Variants in FARP1 observed in about 807,000 individuals in gnomAD.
FARP1 encodes the protein FERM, ARHGEF and pleckstrin domain-containing protein 1.
Under a neutral mutation model 128.8 loss-of-function variants are expected in FARP1, and 52 were observed. The ratio of observed to expected loss-of-function variants is 0.40; its 90% CI spans 0.32 to 0.51. The LOEUF is 0.51. Among genes scored for constraint, FARP1 ranks in the 20% least tolerant of loss-of-function variants. The probability of loss-of-function intolerance (pLI) is 0.45; values close to 1 mark genes in which losing one functional copy is unlikely to be tolerated. For synonymous variants in FARP1, 580 were observed against 551.8 expected (o/e 1.05, Z -0.72); for missense variants, 1,333 against 1,367.9 (o/e 0.97, Z 0.40).
intron 2 of FARP1, among the ~76,000 whole-genome samples, chr13:98,317,727 C>G (rs1054361095): frequency 1.3e-5 from 2 of 152,174 alleles, no homozygotes; most frequent in African/African-American, 4.8e-5. Context: ...ATTGTATTTG[C>G]TCACAGTTCT....
intron 17 of FARP1, among the ~76,000 whole-genome samples, chr13:98,429,159 G>A (rs1252114516): frequency 3.3e-5 from 5 of 152,214 alleles, no homozygotes; most frequent in African/African-American, 1.2e-4. Context: ...GAGGCTGTGT[G>A]ATAAGGGCGG....
At position 98,251,940 on chromosome 13, in the gene FARP1, T is replaced by C. The variant is rs150503955; in HGVS notation, c.171+38527T>C. Among the ~76,000 whole-genome samples, 1,054 of 152,304 alleles carry C rather than the reference T, an allele frequency of 6.9e-3. 11 individuals are homozygous for C. The highest frequency in any genetic ancestry group is 0.029 in the South Asian group (138 of 4,830). On this transcript the variant is annotated intron_variant, in intron 2 of 26. Transcript: ENST00000319562. ...TTGGCTCAATGCAGTCTCCGCCTCC[T>C]GGGTCCAAGCGATTCTCCTGCGTCA... is the stretch of plus-strand genomic sequence containing the variant.
intron 2 of FARP1, among the ~76,000 whole-genome samples, chr13:98,278,653 C>A (rs1884784893): frequency 6.6e-6 from 1 of 152,084 alleles, no homozygotes; most frequent in Non-Finnish European, 1.5e-5. Flanking sequence ...ACCCATAAGA[C>A]CTGCTAGCTG....
intron 2 of FARP1, among the ~76,000 whole-genome samples, chr13:98,294,139 T>C (rs1472294539): frequency 6.6e-6 from 1 of 152,214 alleles, no homozygotes; most frequent in Non-Finnish European, 1.5e-5. Context: ...AACAGCATTT[T>C]GGCCCCACTG....
rs138726058 is a variant in FARP1, at chr13:98,206,097, A to C, written c.-23-7123A>C. Among the ~76,000 whole-genome samples the C allele has an allele frequency of 5.0e-3, 762 of 151,878 alleles. 7 individuals are homozygous for C. Among genetic ancestry groups the C allele is most frequent in the African/African-American group, 0.017 (714 of 41,380 alleles). On this transcript the variant is annotated intron_variant, in intron 1 of 26. Coordinates refer to ENST00000319562, the MANE Select transcript of FARP1 (RefSeq NM_005766.4). The stretch of plus-strand genomic sequence containing the variant: ...GTTTGTTTTTTGGTTAGTAGGTATG[A>C]AGTAGCTCTTTGCAGGAGCCTCAGT...
chr13:98,186,375 TG>T (rs968497769), intron 1 of FARP1, among the ~76,000 whole-genome samples: 1 of 152,132 alleles, frequency 6.6e-6, no homozygotes, highest in African/African-American at 2.4e-5. Context: ...CCCAAAGTGC[TG>T]GGATTACAGA....
At chr13:98,319,657 T>C (rs1318492138) in intron 2 of FARP1, among the ~76,000 whole-genome samples, 1 of 152,204 alleles carries the variant, frequency 6.6e-6, no homozygotes, top group Non-Finnish European at 1.5e-5. Context: ...TTATCTCTCT[T>C]CTTCCCCTTC....
chr13:98,348,607 CTG>C (rs1433015832), intron 3 of FARP1, among the ~76,000 whole-genome samples: 1 of 152,260 alleles, frequency 6.6e-6, no homozygotes, highest in Non-Finnish European at 1.5e-5. Flanking sequence ...ACACTCAACT[CTG>C]TCTTCACAGA....
At chr13:98,151,569 T>C in intron 1 of FARP1, among the ~76,000 whole-genome samples, 1 of 151,840 alleles carries the variant, frequency 6.6e-6, no homozygotes, top group East Asian at 1.9e-4. Flanking sequence ...CTCTATGACA[T>C]TTTAGAGTAA....
At chr13:98,267,105 A>G (rs1884156722) in intron 2 of FARP1, among the ~76,000 whole-genome samples, 2 of 152,266 alleles carry the variant, frequency 1.3e-5, no homozygotes, top group South Asian at 2.1e-4. Flanking sequence ...CACAGTAAGA[A>G]AAAATATTTT....
chr13:98,384,434 C>T (rs1449420744), intron 6 of FARP1: 5 of 344,034 alleles, frequency 1.5e-5, no homozygotes, highest in Non-Finnish European at 2.7e-5. Context: ...CTCAAGTGAT[C>T]CACCCGTCCT....
chr13:98,377,168 G>A (rs1371753804), intron 5 of FARP1, among the ~76,000 whole-genome samples: 7 of 151,914 alleles, frequency 4.6e-5, no homozygotes, highest in African/African-American at 1.7e-4. Flanking sequence ...TGGGCGTGGT[G>A]GCGTGCACCT....
chr13:98,146,862 G>C (rs553809248), intron 1 of FARP1, among the ~76,000 whole-genome samples: 1 of 152,148 alleles, frequency 6.6e-6, no homozygotes, highest in Non-Finnish European at 1.5e-5. Flanking sequence ...GGGAAGCAGC[G>C]GATCAACTTC....
chr13:98,259,264 T>A (rs184320876), intron 2 of FARP1, among the ~76,000 whole-genome samples: 1 of 152,178 alleles, frequency 6.6e-6, no homozygotes, highest in Admixed American at 6.5e-5. Flanking sequence ...TGTGTATATA[T>A]AGAGTATATG....
At chr13:98,422,763 T>A (rs1566308639) in intron 16 of FARP1, among the ~76,000 whole-genome samples, 1 of 152,148 alleles carries the variant, frequency 6.6e-6, no homozygotes, top group Non-Finnish European at 1.5e-5. Flanking sequence ...ATCCTTGATG[T>A]ATCGGAGATT....
At chr13:98,181,915 A>G (rs1878559538) in intron 1 of FARP1, among the ~76,000 whole-genome samples, 1 of 152,218 alleles carries the variant, frequency 6.6e-6, no homozygotes, top group African/African-American at 2.4e-5. Flanking sequence ...AAAGCAAAGG[A>G]AAAGAAACTA....
chr13:98,323,134 G>A (rs559920359), intron 2 of FARP1, among the ~76,000 whole-genome samples: 1 of 152,110 alleles, frequency 6.6e-6, no homozygotes, highest in Non-Finnish European at 1.5e-5. Flanking sequence ...ATGATCCGTG[G>A]TGAAAGGATT....
chr13:98,153,874 T>C (rs1269876766), intron 1 of FARP1, among the ~76,000 whole-genome samples: 3 of 152,106 alleles, frequency 2.0e-5, no homozygotes, highest in Non-Finnish European at 4.4e-5. Context: ...TTTTTGAGTT[T>C]TAATGCATAG....
chr13:98,193,427 G>C (rs1879372169), intron 1 of FARP1, among the ~76,000 whole-genome samples: 1 of 152,190 alleles, frequency 6.6e-6, no homozygotes, highest in Non-Finnish European at 1.5e-5. Context: ...CAACCTGTCA[G>C]AGTGCGTGGG....
Sources: allele counts gnomAD v4.1 joint callset (sites outside exome capture counted in the v4.1 genomes callset), GRCh38; gene constraint gnomAD v4.1.1; transcripts MANE v1.5; gene names NCBI Gene and HGNC (gene_info 2026-07-23, HGNC 2026-07-21).